The following ANKRD42 variants were observed in gnomAD, a reference collection of about 807,000 sequenced individuals.
ANKRD42 encodes ankyrin repeat domain-containing protein 42.
A neutral mutation model predicts 51.5 loss-of-function variants in ANKRD42; 43 were observed. The ratio of observed to expected loss-of-function variants is 0.83; its 90% confidence interval spans 0.65 to 1.08. ANKRD42 has a LOEUF of 1.08. Ranked by LOEUF, ANKRD42 falls within the 50% of genes least tolerant of loss-of-function variation. The pLI is 0.00. For missense variants in ANKRD42, 608 were observed against 629.3 expected (o/e 0.97, Z 0.36); for synonymous variants, 203 against 213.0 (o/e 0.95, Z 0.41).
rs58376016 is a variant in ANKRD42, at chr11:83,248,296, TACACACACAC to T, written c.*123_*132del. The T allele has an allele frequency of 0.081, 103,294 of 1,280,922 alleles. 826 individuals carry two copies. Among genetic ancestry groups the T allele is most frequent in the South Asian group, 0.15 (7,522 of 51,380 alleles). 79.3% of individuals were successfully genotyped at this position (1,280,922 alleles called of 1,614,324 possible). ...AGAGCTGATGACAGGATTAAAGGAATACACACACACACACACACACACACACACACACACA... is the reference window on the plus strand; with the variant it reads ...AGAGCTGATGACAGGATTAAAGGAATACACACACACACACACACACACACA... On this transcript the variant is annotated 3_prime_UTR_variant, in exon 11 of 11. Coordinates refer to ENST00000533342, the MANE Select transcript of ANKRD42 (RefSeq NM_001300975.2).
intron 7 of ANKRD42, among the ~76,000 whole-genome samples, chr11:83,231,058 C>A (rs140945248): frequency 7.8e-4 from 119 of 152,270 alleles, no homozygotes; most frequent in African/African-American, 2.6e-3. Flanking sequence ...CATTTCCTTT[C>A]TTTTGGGCAT....
intron 5 of ANKRD42, among the ~76,000 whole-genome samples, chr11:83,212,385 T>C (rs1412871002): frequency 6.6e-6 from 1 of 152,158 alleles, no homozygotes; most frequent in African/African-American, 2.4e-5. Context: ...CTGGCCCAAC[T>C]TTTTTATTTT....
chr11:83,214,657 T>A (rs1457571195), intron 5 of ANKRD42: 3 of 698,114 alleles, frequency 4.3e-6, no homozygotes, highest in Non-Finnish European at 5.3e-6. Flanking sequence ...TGTATCAAAT[T>A]TGATAATGTA....
chr11:83,230,832 C>T (rs999143321), intron 7 of ANKRD42, among the ~76,000 whole-genome samples: 1 of 152,276 alleles, frequency 6.6e-6, no homozygotes, highest in South Asian at 2.1e-4. Flanking sequence ...GTGATCCGCC[C>T]ACCTCGGCCT....
At chr11:83,245,468 A>G in intron 9 of ANKRD42, 30 bp from the exon 10 acceptor site, 1 of 1,533,410 alleles carries the variant, frequency 6.5e-7, no homozygotes, top group Non-Finnish European at 8.7e-7. Context: ...TATATGTCTA[A>G]CTAGGTTCCT....
At chr11:83,203,392 T>A (rs1053936557) in intron 2 of ANKRD42, among the ~76,000 whole-genome samples, 5 of 151,050 alleles carry the variant, frequency 3.3e-5, no homozygotes, top group Admixed American at 2.6e-4. Flanking sequence ...CTTTTTTTCT[T>A]TCTTTTTTTT....
chr11:83,230,004 A>G (rs899710918), intron 7 of ANKRD42, among the ~76,000 whole-genome samples: 2 of 152,102 alleles, frequency 1.3e-5, no homozygotes, highest in Non-Finnish European at 2.9e-5. Flanking sequence ...CAATCCAGTT[A>G]CCTTCTTTTA....
rs200204117 is a variant in ANKRD42 at position 83,236,432 on chromosome 11, G to A, written c.942G>A (p.Leu314=). 7 of 1,611,722 alleles carry A rather than the reference G, an allele frequency of 4.3e-6. No homozygotes were observed. The highest frequency in any genetic ancestry group is 3.4e-6 in the Non-Finnish European group (4 of 1,179,192). Residue 314 remains leucine, a synonymous_variant, in exon 8 of 11, where the codon TTG becomes TTA. Coordinates refer to ENST00000533342, the MANE Select transcript of ANKRD42 (RefSeq NM_001300975.2). ...CTGGACAAGGCCACATAGAGTGTTT[G>A]CAGTGGTTAATTAAAATGGGAGCAG... ...KAAGQGHIEC[L]QWLIKMGADS... is the part of the protein sequence containing the mutation.
intron 2 of ANKRD42, among the ~76,000 whole-genome samples, chr11:83,199,947 C>T (rs898835319): frequency 1.3e-5 from 2 of 152,050 alleles, no homozygotes; most frequent in Admixed American, 6.6e-5. Flanking sequence ...AGCTGGTATC[C>T]GTGGGTAGGT....
chr11:83,226,698 T>C (rs1862896877), intron 6 of ANKRD42, among the ~76,000 whole-genome samples: 1 of 152,008 alleles, frequency 6.6e-6, no homozygotes, highest in Non-Finnish European at 1.5e-5. Flanking sequence ...CCTGTAATCC[T>C]AGCTACCCGG....
downstream of ANKRD42, chr11:83,259,212 A>T (rs1863829808): frequency 6.6e-6 from 1 of 152,204 alleles, no homozygotes; most frequent in Non-Finnish European, 1.5e-5. Context: ...GCTGTTTCAT[A>T]GTGAAGTGCA....
chr11:83,253,507 A>C (rs929371772), downstream of ANKRD42, among the ~76,000 whole-genome samples: 1 of 151,960 alleles, frequency 6.6e-6, no homozygotes, highest in African/African-American at 2.4e-5. Flanking sequence ...TGTTCGACAA[A>C]CCTGTTCTTT....
chr11:83,210,262 A>G (rs757943546), intron 3 of ANKRD42, 38 bp from the exon 4 acceptor site: 2 of 1,595,568 alleles, frequency 1.3e-6, no homozygotes, highest in East Asian at 2.2e-5. Context: ...TTTAACATCT[A>G]TACTCATGTA....
At chr11:83,231,421 A>G (rs182425790) in intron 7 of ANKRD42, among the ~76,000 whole-genome samples, 53 of 152,210 alleles carry the variant, frequency 3.5e-4, no homozygotes, top group Admixed American at 1.8e-3. Flanking sequence ...AGTTTTTCCT[A>G]TAGAGTTGTT....
At chr11:83,263,396 T>C (rs974360765), downstream of ANKRD42, among the ~76,000 whole-genome samples, 34 of 152,332 alleles carry the variant, frequency 2.2e-4, no homozygotes, top group African/African-American at 7.2e-4. Context: ...ACAACAACAA[T>C]TGGAGCCATC....
At chr11:83,223,012 G>T (rs1862760477) in intron 5 of ANKRD42, among the ~76,000 whole-genome samples, 1 of 152,284 alleles carries the variant, frequency 6.6e-6, no homozygotes, top group East Asian at 1.9e-4. Context: ...TAGTTTGGGA[G>T]GCCAAGGGCG....
intron 10 of ANKRD42, among the ~76,000 whole-genome samples, chr11:83,245,865 T>G (rs528145854): frequency 1.3e-5 from 2 of 152,338 alleles, no homozygotes; most frequent in African/African-American, 4.8e-5. Context: ...GTTAAGTACA[T>G]TCCCATCGTT....
downstream of ANKRD42, among the ~76,000 whole-genome samples, chr11:83,264,088 C>A (rs657324): frequency 0.71 from 108,381 of 152,132 alleles, 39,359 homozygotes; most frequent in African/African-American, 0.84. Flanking sequence ...ACAGGGCCAC[C>A]AAGATATGTG....
In ANKRD42 at chr11:83,248,296, TACAC is replaced by T. The variant is rs58376016; in HGVS notation, c.*129_*132del. 323,161 of 1,279,054 alleles carry T rather than the reference TACAC, an allele frequency of 0.25. 9,150 individuals carry two copies. Among genetic ancestry groups the T allele is most frequent in the Non-Finnish European group, 0.26 (261,825 of 992,146 alleles). 79.2% of individuals were successfully genotyped at this position (1,279,054 alleles called of 1,614,324 possible). A position where few individuals can be genotyped will look rare whatever the true frequency, so the allele number is the denominator to read the frequency against. On this transcript the variant is annotated 3_prime_UTR_variant, in exon 11 of 11. Transcript: ENST00000533342. ...AGAGCTGATGACAGGATTAAAGGAATACACACACACACACACACACACACACACA... is the reference window on the plus strand; with the variant it reads ...AGAGCTGATGACAGGATTAAAGGAATACACACACACACACACACACACACA...
Sources: allele counts gnomAD v4.1 joint callset (sites outside exome capture counted in the v4.1 genomes callset), GRCh38; gene constraint gnomAD v4.1.1; transcripts MANE v1.5; gene names NCBI Gene and HGNC (gene_info 2026-07-23, HGNC 2026-07-21).